The following PCDH19 variants were observed in gnomAD, a reference collection of about 807,000 sequenced individuals.
PCDH19 encodes protocadherin 19, also known as protocadherin-19.
In PCDH19, 6 loss-of-function variants were observed where a neutral mutation model predicts 46.2. The ratio of observed to expected loss-of-function variants is 0.13; its 90% CI spans 0.07 to 0.26. The LOEUF (loss-of-function observed/expected upper bound fraction) is 0.26, where lower values mean the gene tolerates loss of function less well. Ranked by LOEUF, PCDH19 falls within the 10% of genes least tolerant of loss-of-function variation. PCDH19 has a pLI of 1.00. For synonymous variants in PCDH19, 481 were observed against 415.7 expected (o/e 1.16, Z -1.91); for missense variants, 740 against 972.3 (o/e 0.76, Z 3.18).
rs66715683 is a variant in PCDH19 at position 100,379,347 on chromosome X, A to ACACACACACACACACACACACAC, written c.2616+23176_2616+23177insGTGTGTGTGTGTGTGTGTGTGTG. ...CACACACACACACACACACACACAC[A>ACACACACACACACACACACACAC]CATTTCCTCCCAGCTCTCAGGAACA... On this transcript the variant is annotated intron_variant, in intron 3 of 5. Transcript: ENST00000373034. 1.5e-4 allele frequency among the ~76,000 whole-genome samples: 10 copies of ACACACACACACACACACACACAC among 65,261 alleles called. No homozygotes were observed. In the East Asian group the frequency reaches 3.4e-3, roughly 22 times the overall value. 56.7% of individuals were successfully genotyped at this position (65,261 alleles called of 115,157 possible). A position where few individuals can be genotyped will look rare whatever the true frequency, so the allele number is the denominator to read the frequency against.
chrX:100,321,194 C>T (rs1189695533), intron 5 of PCDH19, among the ~76,000 whole-genome samples: 1 of 111,892 alleles, frequency 8.9e-6, no homozygotes, highest in African/African-American at 3.2e-5. Context: ...GTTGGTTCCA[C>T]GATTTTGCAA....
At chrX:100,316,895 G>A (rs753617277) in intron 5 of PCDH19, among the ~76,000 whole-genome samples, 2 of 111,745 alleles carry the variant, frequency 1.8e-5, no homozygotes, top group South Asian at 7.6e-4. Flanking sequence ...TATAAATGTA[G>A]CTACAATTTC....
chrX:100,322,865 A>ATATATATATTTTTTTTTTT, intron 5 of PCDH19, among the ~76,000 whole-genome samples: 28 of 54,386 alleles, frequency 5.1e-4, no homozygotes, highest in African/African-American at 9.2e-4. Context: ...ATATATATAT[A>ATATATATATTTTTTTTTTT]TTTTTGCAGC....
intron 5 of PCDH19, among the ~76,000 whole-genome samples, chrX:100,320,624 T>C (rs1170014205): frequency 9.0e-6 from 1 of 111,074 alleles, no homozygotes; most frequent in Non-Finnish European, 1.9e-5. Flanking sequence ...CTTAGCACAC[T>C]TGCAGTCCAA....
intron 5 of PCDH19, among the ~76,000 whole-genome samples, chrX:100,307,666 G>C (rs899668204): frequency 9.0e-6 from 1 of 110,916 alleles, no homozygotes; most frequent in Admixed American, 9.6e-5. Context: ...CATCCAAAAA[G>C]CTCCTAGATC....
chrX:100,408,637 C>T lies in PCDH19; in HGVS notation c.-40G>A, dbSNP rs766331456. On this transcript the variant is annotated 5_prime_UTR_variant, in exon 1 of 6. Coordinates refer to ENST00000373034, the MANE Select transcript of PCDH19 (RefSeq NM_001184880.2). The stretch of plus-strand genomic sequence containing the variant: ...CTGCCTGGCCTCGCCTCTCCACACC[C>T]CTCCGAGACCGACGCCGTCGGCGCT... The T allele has an allele frequency of 5.6e-4, 586 of 1,047,205 alleles. 1 individual carries two copies. The highest frequency in any genetic ancestry group is 7.3e-4 in the Non-Finnish European group (564 of 776,615). 86.3% of individuals were successfully genotyped at this position (1,047,205 alleles called of 1,213,427 possible). A position where few individuals can be genotyped will look rare whatever the true frequency, so the allele number is the denominator to read the frequency against.
chrX:100,399,295 TATAAAG>T (rs1395819073), intron 3 of PCDH19, among the ~76,000 whole-genome samples: 4 of 111,919 alleles, frequency 3.6e-5, no homozygotes, highest in African/African-American at 1.3e-4. Flanking sequence ...ATTAGGAAAA[TATAAAG>T]ATAATGTAGG....
At chrX:100,321,227 CAT>C (rs1265647476) in intron 5 of PCDH19, among the ~76,000 whole-genome samples, 1 of 111,965 alleles carries the variant, frequency 8.9e-6, no homozygotes, top group South Asian at 3.8e-4. Context: ...CTGCTATAAA[CAT>C]GTGTGTGCAA....
chrX:100,311,030 G>A (rs1446196850), intron 5 of PCDH19, among the ~76,000 whole-genome samples: 1 of 107,646 alleles, frequency 9.3e-6, no homozygotes, highest in Non-Finnish European at 1.9e-5. Context: ...AAAAAAATTA[G>A]AGGCAGAATC....
At chrX:100,337,925 A>T (rs1870054191) in intron 5 of PCDH19, among the ~76,000 whole-genome samples, 1 of 112,287 alleles carries the variant, frequency 8.9e-6, no homozygotes, top group Non-Finnish European at 1.9e-5. Context: ...AACATGTAAA[A>T]TTATGATGTG....
intron 3 of PCDH19, among the ~76,000 whole-genome samples, chrX:100,372,130 G>C (rs973557813): frequency 7.2e-5 from 8 of 111,637 alleles, no homozygotes; most frequent in African/African-American, 2.6e-4. Context: ...CCAGCTGCTT[G>C]AGAGGCTGAG....
intron 5 of PCDH19, among the ~76,000 whole-genome samples, chrX:100,312,647 C>T (rs1401199252): frequency 9.0e-6 from 1 of 111,485 alleles, no homozygotes; most frequent in African/African-American, 3.3e-5. Context: ...TGAAGGCACC[C>T]TATGCTTGTC....
At position 100,377,355 on chromosome X, in the gene PCDH19, A is replaced by T. The variant is rs191310049; in HGVS notation, c.2616+25169T>A. Among the ~76,000 whole-genome samples the T allele has an allele frequency of 3.7e-3, 411 of 111,889 alleles. 2 individuals are homozygous for T. Among genetic ancestry groups the T allele is most frequent in the African/African-American group, 0.013 (394 of 30,809 alleles). ...AACATGTTGCCTTCTAAGGTGCTTT[A>T]AATACGCCAGATACTAAACTGTTTC... On this transcript the variant is annotated intron_variant, in intron 3 of 5. Coordinates refer to ENST00000373034, the MANE Select transcript of PCDH19 (RefSeq NM_001184880.2).
intron 5 of PCDH19, among the ~76,000 whole-genome samples, chrX:100,301,908 A>C (rs1602570159): frequency 8.9e-6 from 1 of 112,516 alleles, no homozygotes; most frequent in East Asian, 2.8e-4. Flanking sequence ...CAGCTAAAAG[A>C]AACTACATTT....
intron 3 of PCDH19, among the ~76,000 whole-genome samples, chrX:100,362,895 T>C (rs1454963619): frequency 9.0e-6 from 1 of 110,776 alleles, no homozygotes; most frequent in African/African-American, 3.3e-5. Context: ...AGAAAAATCC[T>C]ACAAAGCCTC....
At chrX:100,321,028 A>G (rs1460717171) in intron 5 of PCDH19, among the ~76,000 whole-genome samples, 4 of 109,969 alleles carry the variant, frequency 3.6e-5, no homozygotes, top group Non-Finnish European at 7.6e-5. Context: ...CAGTGAGAAC[A>G]TGTGATGTTT....
At chrX:100,365,508 T>C (rs1206205611) in intron 3 of PCDH19, among the ~76,000 whole-genome samples, 1 of 111,978 alleles carries the variant, frequency 8.9e-6, no homozygotes, top group Admixed American at 9.5e-5. Flanking sequence ...AGTAGCTTTA[T>C]TGCCAAATGT....
chrX:100,365,161 C>A (rs970814552), intron 3 of PCDH19, among the ~76,000 whole-genome samples: 7 of 111,216 alleles, frequency 6.3e-5, no homozygotes, highest in African/African-American at 2.3e-4. Context: ...GACCTATGCT[C>A]CCTTCTAATA....
chrX:100,313,368 G>A (rs905389795), intron 5 of PCDH19, among the ~76,000 whole-genome samples: 11 of 111,361 alleles, frequency 9.9e-5, no homozygotes, highest in Non-Finnish European at 1.9e-4. Flanking sequence ...TTGAAGCTCC[G>A]TTCAAGCCTG....
Sources: allele counts gnomAD v4.1 joint callset (sites outside exome capture counted in the v4.1 genomes callset), GRCh38; gene constraint gnomAD v4.1.1; transcripts MANE v1.5; gene names NCBI Gene and HGNC (gene_info 2026-07-23, HGNC 2026-07-21).